Variants in VAV3 observed in about 807,000 individuals in gnomAD.
VAV3 encodes guanine nucleotide exchange factor VAV3.
VAV3 carries 94 observed loss-of-function variants against 131.2 expected under a neutral mutation model. That is an observed-to-expected ratio of 0.72 (90% CI 0.61 to 0.85). The LOEUF (loss-of-function observed/expected upper bound fraction) is 0.85, where lower values mean the gene tolerates loss of function less well. VAV3 is among the 40% of genes least tolerant of loss of function. The pLI is 0.00. For missense variants in VAV3, 939 were observed against 1,002.7 expected, an observed-to-expected ratio of 0.94 and a Z score of 0.86; for synonymous variants, 349 against 342.0, an observed-to-expected ratio of 1.02 and a Z score of -0.22.
chr1:107,582,783 C>T (rs533476416), intron 25 of VAV3, among the ~76,000 whole-genome samples: 137 of 152,200 alleles, frequency 9.0e-4, no homozygotes, highest in Non-Finnish European at 1.7e-3. Flanking sequence ...TGGTGAATAT[C>T]TGCCACATTT....
intron 20 of VAV3, among the ~76,000 whole-genome samples, chr1:107,637,074 T>C (rs1229431775): frequency 6.6e-6 from 1 of 152,098 alleles, no homozygotes; most frequent in Non-Finnish European, 1.5e-5. Flanking sequence ...ATAAAATGCA[T>C]ACCTATCTAG....
intron 2 of VAV3, among the ~76,000 whole-genome samples, chr1:107,861,225 T>C (rs1669723579): frequency 6.6e-6 from 1 of 151,668 alleles, no homozygotes; most frequent in Admixed American, 6.6e-5. Context: ...ATTTGGAGAA[T>C]CTTGGGTGCA....
At chr1:107,884,405 TTTATTATTA>T (rs140793122) in intron 1 of VAV3, among the ~76,000 whole-genome samples, 7,075 of 141,528 alleles carry the variant, frequency 0.05, 210 homozygotes, top group Middle Eastern at 0.11. Flanking sequence ...AAATAAATTA[TTTATTATTA>T]TTATTATTAT....
chr1:107,694,425 T>G (rs535316065), intron 17 of VAV3, among the ~76,000 whole-genome samples: 76 of 152,262 alleles, frequency 5.0e-4, no homozygotes, highest in Non-Finnish European at 7.8e-4. Flanking sequence ...TTCTGTGAAT[T>G]GCTTCATTTT....
At chr1:107,676,357 A>T (rs1658210479) in intron 19 of VAV3, among the ~76,000 whole-genome samples, 1 of 152,204 alleles carries the variant, frequency 6.6e-6, no homozygotes, top group Non-Finnish European at 1.5e-5. Context: ...TGAGAGAAAG[A>T]TGTTCTATTT....
At chr1:107,767,984 A>T (rs1341638397) in intron 7 of VAV3, among the ~76,000 whole-genome samples, 2 of 152,226 alleles carry the variant, frequency 1.3e-5, no homozygotes, top group Non-Finnish European at 1.5e-5. Context: ...GTTACATATG[A>T]TACAACTGGA....
chr1:107,591,091 C>T (rs1187126274), intron 25 of VAV3, among the ~76,000 whole-genome samples: 1 of 152,118 alleles, frequency 6.6e-6, no homozygotes, highest in Non-Finnish European at 1.5e-5. Flanking sequence ...AACCTTCACA[C>T]AAACGACCTC....
intron 18 of VAV3, chr1:107,685,892 G>C (rs1658981372): frequency 6.6e-6 from 1 of 151,368 alleles, no homozygotes; most frequent in Admixed American, 6.6e-5. Context: ...CCAGCAGGAA[G>C]AGAACGGAAA....
chr1:107,614,359 T>C (rs1403433321), intron 21 of VAV3, among the ~76,000 whole-genome samples: 1 of 152,046 alleles, frequency 6.6e-6, no homozygotes, highest in Non-Finnish European at 1.5e-5. Context: ...GCACTACTCA[T>C]GGACCCCGAT....
intron 2 of VAV3, among the ~76,000 whole-genome samples, chr1:107,852,832 A>G (rs1252518079): frequency 6.6e-6 from 1 of 152,178 alleles, no homozygotes; most frequent in Non-Finnish European, 1.5e-5. Context: ...CTAACCAAAA[A>G]TGGTTTATCA....
chr1:107,612,340 G>A (rs1224525920), intron 21 of VAV3, among the ~76,000 whole-genome samples: 2 of 151,912 alleles, frequency 1.3e-5, no homozygotes, highest in Non-Finnish European at 2.9e-5. Context: ...ATTTCTAAGA[G>A]GATAGTAATT....
chr1:107,658,960 C>T (rs563467117), intron 19 of VAV3, among the ~76,000 whole-genome samples: 1 of 152,078 alleles, frequency 6.6e-6, no homozygotes, highest in Non-Finnish European at 1.5e-5. Flanking sequence ...TTAATTAGAT[C>T]CCATTTGTCA....
At chr1:107,923,836 A>G (rs577187346) in intron 1 of VAV3, among the ~76,000 whole-genome samples, 46 of 152,302 alleles carry the variant, frequency 3.0e-4, no homozygotes, top group African/African-American at 1.1e-3. Context: ...AACCATATCA[A>G]GGCCCAAGGG....
chr1:107,952,985 A>C (rs181234458), intron 1 of VAV3, among the ~76,000 whole-genome samples: 157 of 152,364 alleles, frequency 1.0e-3, no homozygotes, highest in Non-Finnish European at 1.8e-3. Context: ...TTTTAAATAG[A>C]ACAACTTTCA....
At chr1:107,932,056 C>G (rs189407354) in intron 1 of VAV3, among the ~76,000 whole-genome samples, 20 of 152,358 alleles carry the variant, frequency 1.3e-4, no homozygotes, top group Middle Eastern at 6.8e-3. Context: ...CAAGAGCCAG[C>G]CTGGCACACT....
chr1:107,618,084 G>T (rs1395812165), intron 20 of VAV3, among the ~76,000 whole-genome samples: 1 of 152,080 alleles, frequency 6.6e-6, no homozygotes, highest in Non-Finnish European at 1.5e-5. Context: ...TCACAGTCAA[G>T]TCTGCGCTCC....
At chr1:107,592,606 G>A (rs74714642) in intron 25 of VAV3, among the ~76,000 whole-genome samples, 29,384 of 151,888 alleles carry the variant, frequency 0.19, 2,976 homozygotes, top group Non-Finnish European at 0.22. Context: ...TTTTCCTAAT[G>A]CACCAATCTG....
chr1:107,707,828 A>G lies in VAV3; in HGVS notation c.1503-2767T>C, dbSNP rs72977676. ...AAACCAAAGACAGTAAGCTGGCTGG[A>G]TGAGAAGGGTTGGGAAAGTAGATTG... is the stretch of plus-strand genomic sequence containing the variant. On this transcript the variant is annotated intron_variant, in intron 15 of 26. Transcript: ENST00000370056. Among the ~76,000 whole-genome samples, 849 of 152,314 alleles carry G rather than the reference A, an allele frequency of 5.6e-3. 11 individuals carry two copies. The highest frequency in any genetic ancestry group is 0.018 in the African/African-American group (749 of 41,574).
At chr1:107,704,806 C>T (rs1244919451) in intron 16 of VAV3, among the ~76,000 whole-genome samples, 154 bp downstream of exon 16, 1 of 152,172 alleles carries the variant, frequency 6.6e-6, no homozygotes, top group Non-Finnish European at 1.5e-5. Flanking sequence ...AAAGGACTGT[C>T]CAGGCAGAAA....
Sources: gnomAD v4.1 joint callset for allele counts (sites outside exome capture counted in the v4.1 genomes callset) on GRCh38, gnomAD v4.1.1 for gene constraint, MANE v1.5 for transcripts, NCBI Gene and HGNC (gene_info 2026-07-23, HGNC 2026-07-21) for gene names.